The following SEMA3A variants were observed in gnomAD, a reference collection of about 807,000 sequenced individuals.
SEMA3A encodes semaphorin 3A.
In SEMA3A, 29 loss-of-function variants were observed where a neutral mutation model predicts 97.9. That is an observed-to-expected ratio of 0.30 (90% CI 0.22 to 0.40). The LOEUF (loss-of-function observed/expected upper bound fraction) is 0.40, where lower values mean the gene tolerates loss of function less well. Ranked by LOEUF, SEMA3A falls within the 10% of genes least tolerant of loss-of-function variation. The probability of loss-of-function intolerance (pLI) is 1.00; values close to 1 mark genes in which losing one functional copy is unlikely to be tolerated. For missense variants in SEMA3A, 763 were observed against 951.3 expected (o/e 0.80, Z 2.60); for synonymous variants, 321 against 323.7 (o/e 0.99, Z 0.09).
At chr7:84,350,477 C>T (rs1802410459) in intron 2 of SEMA3A, among the ~76,000 whole-genome samples, 1 of 151,926 alleles carries the variant, frequency 6.6e-6, no homozygotes, top group Admixed American at 6.6e-5. Context: ...TTTATTTATA[C>T]AATTTGACAT....
At chr7:83,969,132 G>C (rs1788827177) in intron 15 of SEMA3A, among the ~76,000 whole-genome samples, 1 of 151,964 alleles carries the variant, frequency 6.6e-6, no homozygotes, top group Non-Finnish European at 1.5e-5. Context: ...TTCTATTGTT[G>C]TTCTTAAAAT....
At chr7:84,187,474 T>G (rs893346582) in intron 1 of SEMA3A, among the ~76,000 whole-genome samples, 1 of 152,136 alleles carries the variant, frequency 6.6e-6, no homozygotes, top group Admixed American at 6.6e-5. Context: ...ATTGTATGTT[T>G]CCTATCTCTT....
At position 84,407,514 on chromosome 7, in the gene SEMA3A, G is replaced by A. The variant is rs527440987; in HGVS notation, c.-245-35614C>T. Among the ~76,000 whole-genome samples the A allele has an allele frequency of 9.1e-4, 139 of 152,010 alleles. 3 individuals carry two copies. The highest frequency in any genetic ancestry group is 5.3e-4 in the Non-Finnish European group (36 of 67,976). Reference sequence around the variant, plus strand: ...ATGCCATCCACATCAAGTTACCAATGACTTTCTTCACAGAATTGGAAAAAA... The same window carrying A: ...ATGCCATCCACATCAAGTTACCAATAACTTTCTTCACAGAATTGGAAAAAA... On this transcript the variant is annotated intron_variant, in intron 1 of 3. Coordinates refer to the SEMA3A transcript ENST00000424555.
At position 84,022,170 on chromosome 7, in the gene SEMA3A, T is replaced by G. The variant is rs543409402; in HGVS notation, c.668-7819A>C. Among the ~76,000 whole-genome samples, 18 of 152,280 alleles carry G rather than the reference T, an allele frequency of 1.2e-4. 1 individual carries two copies. In the South Asian group the frequency reaches 2.5e-3, roughly 21 times the overall value. ...ATATTTGGAGATCAGAGATTCCCAT[T>G]GTCCTGTGAAACTACAAGAAATTCA... On this transcript the variant is annotated intron_variant, in intron 6 of 16. Transcript: ENST00000265362.
chr7:84,089,828 C>T (rs753588953), intron 4 of SEMA3A, among the ~76,000 whole-genome samples: 1 of 149,950 alleles, frequency 6.7e-6, no homozygotes, highest in Non-Finnish European at 1.5e-5. Flanking sequence ...TGAAAAGGAG[C>T]CTTTTGTACT....
chr7:84,023,938 G>A (rs902454071), intron 6 of SEMA3A, among the ~76,000 whole-genome samples: 1 of 151,776 alleles, frequency 6.6e-6, no homozygotes, highest in Non-Finnish European at 1.5e-5. Context: ...CGTGAACCCG[G>A]GAGGCGGAGC....
chr7:84,243,249 T>A lies in SEMA3A; in HGVS notation c.-82-48581A>T, dbSNP rs548205321. 1.6e-4 allele frequency among the ~76,000 whole-genome samples: 24 copies of A among 152,320 alleles called. No individual in the cohort carries two copies. The South Asian group carries it at 5.0e-3, about 32-fold the overall frequency. On this transcript the variant is annotated intron_variant, in intron 3 of 3. Coordinates refer to the SEMA3A transcript ENST00000424555. ...TACCAGCTGCTCTTTGTAACTCTGG[T>A]AGAATTCGGCTGTGAATCTGTCTGG...
At chr7:84,449,889 C>T (rs1805514216) in intron 1 of SEMA3A, among the ~76,000 whole-genome samples, 1 of 152,132 alleles carries the variant, frequency 6.6e-6, no homozygotes, top group Non-Finnish European at 1.5e-5. Context: ...CAAAGTCCAT[C>T]CACGTTGTTG....
intron 4 of SEMA3A, among the ~76,000 whole-genome samples, chr7:84,077,351 T>G (rs576667279): frequency 1.3e-5 from 2 of 152,244 alleles, no homozygotes; most frequent in South Asian, 4.1e-4. Context: ...AGTAAAGCTA[T>G]TATTTTTTTA....
At chr7:84,067,291 A>T (rs1793550574) in intron 4 of SEMA3A, among the ~76,000 whole-genome samples, 1 of 151,784 alleles carries the variant, frequency 6.6e-6, no homozygotes, top group South Asian at 2.1e-4. Context: ...TTAAAGACTT[A>T]AACGTTTGAC....
chr7:84,388,291 G>A (rs1160687726), intron 1 of SEMA3A, among the ~76,000 whole-genome samples: 1 of 152,016 alleles, frequency 6.6e-6, no homozygotes, highest in Non-Finnish European at 1.5e-5. Context: ...GAAGTTGGTA[G>A]TTAAGTAACC....
intron 2 of SEMA3A, among the ~76,000 whole-genome samples, chr7:84,364,809 G>C (rs190495133): frequency 6.6e-6 from 1 of 150,606 alleles, no homozygotes; most frequent in African/African-American, 2.4e-5. Flanking sequence ...CCCTGAGGCC[G>C]TAGAGAGACT....
chr7:84,084,062 G>A (rs1334157752), intron 4 of SEMA3A, among the ~76,000 whole-genome samples: 1 of 152,020 alleles, frequency 6.6e-6, no homozygotes, highest in Non-Finnish European at 1.5e-5. Flanking sequence ...GATCATACAA[G>A]CAGTGGCCAA....
chr7:84,435,789 C>T lies in SEMA3A; in HGVS notation c.-246+56671G>A, dbSNP rs115096937. Among the ~76,000 whole-genome samples, 367 of 152,164 alleles carry T rather than the reference C, an allele frequency of 2.4e-3. 1 individual carries two copies. Among genetic ancestry groups the T allele is most frequent in the African/African-American group, 8.5e-3 (351 of 41,520 alleles). On this transcript the variant is annotated intron_variant, in intron 1 of 3. Coordinates refer to the SEMA3A transcript ENST00000424555. The stretch of plus-strand genomic sequence containing the variant: ...ATTCAACACTATATCTATCAAACTA[C>T]CAATGTCATTTTTTCACAGAATTAG...
intron 3 of SEMA3A, among the ~76,000 whole-genome samples, chr7:84,250,478 G>T (rs1799582301): frequency 6.6e-6 from 1 of 152,182 alleles, no homozygotes; most frequent in Admixed American, 6.5e-5. Flanking sequence ...GAGCTGAGCA[G>T]TCTTCAACTT....
At chr7:84,397,897 T>C (rs992530953) in intron 1 of SEMA3A, among the ~76,000 whole-genome samples, 1 of 152,162 alleles carries the variant, frequency 6.6e-6, no homozygotes, top group Admixed American at 6.5e-5. Flanking sequence ...TGGGGTTTTA[T>C]GATAATTAAA....
chr7:84,469,933 CTT>C (rs1165706663), intron 1 of SEMA3A, among the ~76,000 whole-genome samples: 5 of 151,326 alleles, frequency 3.3e-5, no homozygotes, highest in South Asian at 2.1e-4. Flanking sequence ...AGTGTAAACA[CTT>C]AATAAAATAT....
chr7:84,482,050 T>C (rs1231308186), intron 1 of SEMA3A, among the ~76,000 whole-genome samples: 1 of 151,832 alleles, frequency 6.6e-6, no homozygotes, highest in African/African-American at 2.4e-5. Context: ...GTCTTAATGT[T>C]GACTGATGTT....
intron 3 of SEMA3A, among the ~76,000 whole-genome samples, chr7:84,277,172 C>T (rs1210746705): frequency 6.6e-6 from 1 of 152,072 alleles, no homozygotes; most frequent in Non-Finnish European, 1.5e-5. Flanking sequence ...TGAAAATCAG[C>T]AATAACAAAG....
Sources: gnomAD v4.1 joint callset for allele counts (sites outside exome capture counted in the v4.1 genomes callset) on GRCh38, gnomAD v4.1.1 for gene constraint, MANE v1.5 for transcripts, NCBI Gene and HGNC (gene_info 2026-07-23, HGNC 2026-07-21) for gene names.